AIMP2: variants seen among roughly 807,000 people sequenced by gnomAD.
The protein encoded by AIMP2 is aminoacyl tRNA synthase complex-interacting multifunctional protein 2.
Under a neutral mutation model 23.4 loss-of-function variants are expected in AIMP2, and 20 were observed. The ratio of observed to expected loss-of-function variants is 0.85; its 90% CI spans 0.60 to 1.24. The LOEUF (loss-of-function observed/expected upper bound fraction) is 1.24. Among genes scored for constraint, AIMP2 ranks in the 50% most tolerant of loss-of-function variants. AIMP2 has a pLI of 0.00. For missense variants in AIMP2, 515 were observed against 414.5 expected, an observed-to-expected ratio of 1.24 and a Z score of -2.10; for synonymous variants, 210 against 170.4, an observed-to-expected ratio of 1.23 and a Z score of -1.81.
chr7:6,010,006 C>T (rs1162462525), intron 1 of AIMP2, among the ~76,000 whole-genome samples: 1 of 107,570 alleles, frequency 9.3e-6, no homozygotes, highest in African/African-American at 3.5e-5. Flanking sequence ...TGTATCTTTC[C>T]AGGTCGGGCG....
chr7:6,010,826 A>G, intron 1 of AIMP2, among the ~76,000 whole-genome samples: 1 of 146,322 alleles, frequency 6.8e-6, no homozygotes, highest in Admixed American at 6.8e-5. Context: ...TTTTTAATGT[A>G]GAGATGAGGT....
chr7:6,009,512 GC>G lies in AIMP2; in HGVS notation c.135+20del. The G allele has an allele frequency of 1.4e-6, 2 of 1,474,410 alleles. No individual in the cohort carries two copies. The highest frequency in any genetic ancestry group is 1.5e-5 in the African/African-American group (1 of 67,466). The allele number at this position is 1,474,410 out of a possible 1,614,324, so 91.3% of individuals were successfully genotyped here. On this transcript the variant is annotated intron_variant, in intron 1 of 3. Transcript: ENST00000223029. ...GGCCACGTGCAGGTAGGAGCGCGGG[GC>G]CCCCCGCCCAGTGCGCACGCGCGGC...
rs759928476 is a variant in AIMP2, at chr7:6,009,461, G to A, written c.98G>A (p.Arg33Lys). The A allele has an allele frequency of 3.1e-6, 5 of 1,609,114 alleles. No individual in the cohort carries two copies. Among genetic ancestry groups the A allele is most frequent in the Admixed American group, 1.7e-5 (1 of 59,598 alleles). Residue 33 changes from arginine to lysine, a missense_variant, in exon 1 of 4, where the codon AGG becomes AAG. Physicochemically the swap from Arg to Lys is conservative, Grantham distance 26. Coordinates refer to ENST00000223029, the MANE Select transcript of AIMP2 (RefSeq NM_006303.4). Reference sequence around the variant, plus strand: ...TACCGGCTCCCCAACGTGCACGGCAGGAGCTACGGCCCAGCGCCGGGCGCT... The same window carrying A: ...TACCGGCTCCCCAACGTGCACGGCAAGAGCTACGGCCCAGCGCCGGGCGCT... Reference protein sequence around the residue: ...CMYRLPNVHGRSYGPAPGAGH... With the variant: ...CMYRLPNVHGKSYGPAPGAGH...
In AIMP2 at chr7:6,023,448, G is replaced by A. The variant is rs558931280; in HGVS notation, c.720G>A (p.Ala240=). The change falls in exon 4 of 4, where the codon GCG becomes GCA. Residue 240 remains alanine, a synonymous_variant. Coordinates refer to ENST00000223029, the MANE Select transcript of AIMP2 (RefSeq NM_006303.4). ...TTATAGATAGCTGGGTAGATATTGC[G>A]ATTTTTCAGTTAAAAGAGGGAAGCA... ...ATLIDSWVDI[A]IFQLKEGSSK... is the part of the protein sequence containing the mutation. 9 of 1,614,166 alleles carry A rather than the reference G, an allele frequency of 5.6e-6. No individual in the cohort carries two copies. Among genetic ancestry groups the A allele is most frequent in the South Asian group, 5.5e-5 (5 of 91,078 alleles).
At chr7:6,017,351 A>G (rs1787085630) in intron 2 of AIMP2, among the ~76,000 whole-genome samples, 1 of 151,426 alleles carries the variant, frequency 6.6e-6, no homozygotes, top group Non-Finnish European at 1.5e-5. Context: ...CCCCATCTCT[A>G]CTAAAAATTA....
chr7:6,019,321 A>G (rs2128880304), intron 3 of AIMP2, among the ~76,000 whole-genome samples: 1 of 150,442 alleles, frequency 6.6e-6, no homozygotes, highest in Middle Eastern at 3.4e-3. Context: ...CTACTAAAAA[A>G]TACAAAAAAA....
chr7:6,018,116 G>GTC, intron 3 of AIMP2, 71 bp downstream of exon 3: 2 of 1,100,782 alleles, frequency 1.8e-6, no homozygotes, highest in South Asian at 3.0e-5. Context: ...ACCTGCATGA[G>GTC]TCCATTTACA....
intron 1 of AIMP2, chr7:6,014,891 T>C (rs951442242): frequency 1.9e-6 from 1 of 538,154 alleles, no homozygotes; most frequent in Non-Finnish European, 2.9e-6. Flanking sequence ...GGCTAATTTT[T>C]GTATTTCTAG....
intron 1 of AIMP2, among the ~76,000 whole-genome samples, chr7:6,011,830 G>C (rs912197751): frequency 1.3e-5 from 2 of 152,186 alleles, no homozygotes; most frequent in South Asian, 4.1e-4. Flanking sequence ...GTTTTGCAGA[G>C]TCTGTTTTAT....
rs143172305 is a variant in AIMP2 at position 6,009,462 on chromosome 7, G to A, written c.99G>A (p.Arg33=). Reference sequence around the variant, plus strand: ...ACCGGCTCCCCAACGTGCACGGCAGGAGCTACGGCCCAGCGCCGGGCGCTG... The same window carrying A: ...ACCGGCTCCCCAACGTGCACGGCAGAAGCTACGGCCCAGCGCCGGGCGCTG... The part of the protein sequence containing the change: ...CMYRLPNVHG[R]SYGPAPGAGH... Residue 33 remains arginine (R), a synonymous_variant, in exon 1 of 4, where the codon AGG becomes AGA. Transcript: ENST00000223029. The A allele has an allele frequency of 1.2e-6, 2 of 1,608,652 alleles. No homozygotes were observed. The highest frequency in any genetic ancestry group is 1.1e-5 in the South Asian group (1 of 90,782).
chr7:6,009,432 C>A lies in AIMP2; in HGVS notation c.69C>A (p.Cys23Ter). Residue 23 changes from cysteine to a stop codon, truncating the protein, a stop_gained, in exon 1 of 4, where the codon TGC (cysteine) becomes TGA (stop). Transcript: ENST00000223029. LOFTEE classifies it high-confidence loss of function. Reference sequence around the variant, plus strand: ...CTCTCCGTGTGGAGCTTCCCACCTGCATGTACCGGCTCCCCAACGTGCACG... The same window carrying A: ...CTCTCCGTGTGGAGCTTCCCACCTGAATGTACCGGCTCCCCAACGTGCACG... The part of the protein sequence containing the change: ...GAPLRVELPT[C>*]MYRLPNVHGR... 1 of 1,611,244 alleles carries A rather than the reference C, an allele frequency of 6.2e-7. No individual in the cohort carries two copies. The highest frequency in any genetic ancestry group is 8.5e-7 in the Non-Finnish European group (1 of 1,179,900).
chr7:6,009,909 A>AT (rs1475612060), intron 1 of AIMP2, among the ~76,000 whole-genome samples: 1 of 136,856 alleles, frequency 7.3e-6, no homozygotes, highest in Non-Finnish European at 1.5e-5. Flanking sequence ...AGATCGAGCC[A>AT]TTGCACTCGA....
intron 3 of AIMP2, among the ~76,000 whole-genome samples, chr7:6,021,685 G>C (rs1014403855): frequency 6.6e-6 from 1 of 152,104 alleles, no homozygotes; most frequent in African/African-American, 2.4e-5. Context: ...CAGACGTTGA[G>C]GAAGAAGACC....
At chr7:6,011,159 A>T (rs1484008661) in intron 1 of AIMP2, among the ~76,000 whole-genome samples, 1 of 152,136 alleles carries the variant, frequency 6.6e-6, no homozygotes, top group Non-Finnish European at 1.5e-5. Context: ...ATACTCTTAT[A>T]CAGAGGAGCA....
intron 2 of AIMP2, 61 bp downstream of exon 2, chr7:6,015,413 G>C (rs1786965566): frequency 6.4e-7 from 1 of 1,559,488 alleles, no homozygotes; most frequent in African/African-American, 1.4e-5. Flanking sequence ...CAGGGAAATT[G>C]TGCTGCTGTG....
In AIMP2 at chr7:6,023,788, T is replaced by C; in HGVS notation, c.*97T>C. 1 of 1,597,598 alleles carries C rather than the reference T, an allele frequency of 6.3e-7. No homozygotes were observed. Among genetic ancestry groups the C allele is most frequent in the Non-Finnish European group, 8.5e-7 (1 of 1,170,948 alleles). ...GACTTGTATTAGAGTCAGAGTCTTT[T>C]TATTTAGGCCAGTTGTCAAGTGTCA... On this transcript the variant is annotated 3_prime_UTR_variant, in exon 4 of 4. Coordinates refer to ENST00000223029, the MANE Select transcript of AIMP2 (RefSeq NM_006303.4).
At chr7:6,017,718 C>T (rs976947773) in intron 2 of AIMP2, 96 bp from the exon 3 acceptor site, 7 of 1,058,992 alleles carry the variant, frequency 6.6e-6, no homozygotes, top group African/African-American at 6.4e-5. Flanking sequence ...GTGGCGGAGT[C>T]GGTTAGATAA....
chr7:6,011,386 C>T (rs780675466), intron 1 of AIMP2, among the ~76,000 whole-genome samples: 4 of 152,174 alleles, frequency 2.6e-5, no homozygotes, highest in African/African-American at 9.6e-5. Flanking sequence ...CCAGACTTCT[C>T]TAACTTGAGG....
rs765088234 is a variant in AIMP2, at chr7:6,015,236, C to G, written c.226C>G (p.Leu76Val). The G allele has an allele frequency of 6.2e-7, 1 of 1,614,136 alleles. No individual in the cohort carries two copies. The highest frequency in any genetic ancestry group is 2.2e-5 in the East Asian group (1 of 44,874). Residue 76 changes from leucine (L) to valine (V), a missense_variant, in exon 2 of 4, where the codon CTC (leucine) becomes GTC (valine). Physicochemically the swap from Leu to Val is conservative, Grantham distance 32. Transcript: ENST00000223029. ...TGAGTTGAAAGCTGCAGTTGATGGCCTCTCCAAGATGATTCAAACACCAGA... is the reference window on the plus strand; with the variant it reads ...TGAGTTGAAAGCTGCAGTTGATGGCGTCTCCAAGATGATTCAAACACCAGA... ...LYELKAAVDG[L>V]SKMIQTPDAD...
Sources: allele counts gnomAD v4.1 joint callset (sites outside exome capture counted in the v4.1 genomes callset), GRCh38; gene constraint gnomAD v4.1.1; transcripts MANE v1.5; gene names NCBI Gene and HGNC (gene_info 2026-07-23, HGNC 2026-07-21).